Variants in GALNT2 observed in about 807,000 individuals in gnomAD.
GALNT2 encodes UDP-GalNAc:polypeptide N-acetylgalactosaminyltransferase 2.
In GALNT2, 31 loss-of-function variants were observed where a neutral mutation model predicts 81.4. That is an observed-to-expected ratio of 0.38 (90% confidence interval 0.29 to 0.51). GALNT2 has a LOEUF of 0.51. Ranked by LOEUF, GALNT2 falls within the 20% of genes least tolerant of loss-of-function variation. The pLI, the probability that GALNT2 is intolerant of heterozygous loss-of-function variation, is 0.87. For missense variants in GALNT2, 629 were observed against 765.7 expected (o/e 0.82, Z 2.11); for synonymous variants, 303 against 287.4 (o/e 1.05, Z -0.55).
rs1209694309 is a variant in GALNT2 at position 230,281,266 on chromosome 1, A to G, written c.*1808A>G. On this transcript the variant is annotated 3_prime_UTR_variant, in exon 16 of 16. Transcript: ENST00000366672. ...AAGCCTGGCTGGAGGGCTGCCCTATAGGTCTTCTCTTCCCGCCTCCCCTGC... is the reference window on the plus strand; with the variant it reads ...AAGCCTGGCTGGAGGGCTGCCCTATGGGTCTTCTCTTCCCGCCTCCCCTGC... 6.6e-6 allele frequency: 1 copy of G among 152,296 alleles called. No individual in the cohort carries two copies. The highest frequency in any genetic ancestry group is 2.4e-5 in the African/African-American group (1 of 41,368). The allele number at this position is 152,296 out of a possible 1,614,324, so 9.4% of individuals were successfully genotyped here. A position where few individuals can be genotyped will look rare whatever the true frequency, so the allele number is the denominator to read the frequency against.
chr1:230,225,972 A>G (rs1286169795), intron 3 of GALNT2, among the ~76,000 whole-genome samples: 3 of 152,218 alleles, frequency 2.0e-5, no homozygotes, highest in Non-Finnish European at 2.9e-5. Flanking sequence ...CATAAGCTCC[A>G]TGAATGAGTC....
intron 3 of GALNT2, among the ~76,000 whole-genome samples, chr1:230,222,911 C>A (rs1040418654): frequency 3.9e-5 from 6 of 152,254 alleles, no homozygotes; most frequent in South Asian, 2.1e-4. Context: ...CAGCCTGCCC[C>A]CAGAGGCTGC....
At chr1:230,129,463 G>A (rs1661298402) in intron 1 of GALNT2, among the ~76,000 whole-genome samples, 1 of 152,110 alleles carries the variant, frequency 6.6e-6, no homozygotes, top group Non-Finnish European at 1.5e-5. Flanking sequence ...GACTATAGGT[G>A]TTTGCCACCA....
rs1377339452 is a variant in GALNT2, at chr1:230,275,767, T to A, written c.1560+1203T>A. ...CACCACATATATATACATATATACA[T>A]ACACCACAGATATATACATATATAT... On this transcript the variant is annotated intron_variant, in intron 15 of 15. Coordinates refer to ENST00000366672, the MANE Select transcript of GALNT2 (RefSeq NM_004481.5). The surrounding 1 kb of genome is among the most constrained non-coding windows in gnomAD (Gnocchi z 5.5). 6.7e-6 allele frequency among the ~76,000 whole-genome samples: 1 copy of A among 150,314 alleles called. No homozygotes were observed. The highest frequency in any genetic ancestry group is 1.5e-5 in the Non-Finnish European group (1 of 67,630).
At chr1:230,220,135 A>G (rs1025990259) in intron 3 of GALNT2, among the ~76,000 whole-genome samples, 6 of 152,202 alleles carry the variant, frequency 3.9e-5, no homozygotes, top group Non-Finnish European at 7.3e-5. Context: ...AAACACACTA[A>G]TGTTTTTGCA....
intron 1 of GALNT2, among the ~76,000 whole-genome samples, chr1:230,142,425 G>A (rs1661775463): frequency 6.6e-6 from 1 of 152,134 alleles, no homozygotes; most frequent in African/African-American, 2.4e-5. Context: ...AAGTCGTTAA[G>A]GGCCCGGGCT....
At chr1:230,120,706 C>T (rs1660990206) in intron 1 of GALNT2, among the ~76,000 whole-genome samples, 2 of 152,300 alleles carry the variant, frequency 1.3e-5, no homozygotes, top group South Asian at 4.1e-4. Flanking sequence ...TCGGCCTCTC[C>T]CCAGGCTGCT....
intron 1 of GALNT2, among the ~76,000 whole-genome samples, chr1:230,177,748 C>T (rs1663029320): frequency 6.6e-6 from 1 of 152,192 alleles, no homozygotes; most frequent in Non-Finnish European, 1.5e-5. Flanking sequence ...TCATTTAACA[C>T]TCTCTGAGGG....
intron 2 of GALNT2, among the ~76,000 whole-genome samples, chr1:230,185,850 G>T (rs532398711): frequency 1.3e-5 from 2 of 152,104 alleles, no homozygotes; most frequent in African/African-American, 2.4e-5. Context: ...AATCTCTTAG[G>T]CTTGTCCACA....
chr1:230,106,128 A>AGTGCAGAATTTCCAGGCATTGTCC (rs1379874919), intron 1 of GALNT2, among the ~76,000 whole-genome samples: 1 of 152,216 alleles, frequency 6.6e-6, no homozygotes, highest in African/African-American at 2.4e-5. Flanking sequence ...ATGGCCGTGC[A>AGTGCAGAATTTCCAGGCATTGTCC]GTGCAGAATT....
rs372409371 is a variant in GALNT2 at position 230,169,121 on chromosome 1, A to G, written c.127-9097A>G. On this transcript the variant is annotated intron_variant, in intron 1 of 15. Coordinates refer to ENST00000366672, the MANE Select transcript of GALNT2 (RefSeq NM_004481.5). ...GAGAGGAAGACCACAGAAGTAAAAT[A>G]TGCATAAATTTGTAAACAAGTTGTT... is the stretch of plus-strand genomic sequence containing the variant. 2.0e-5 allele frequency among the ~76,000 whole-genome samples: 3 copies of G among 152,348 alleles called. No individual in the cohort carries two copies. The East Asian group carries it at 5.8e-4, about 29-fold the overall frequency.
chr1:230,267,926 G>A (rs570739396), intron 14 of GALNT2, among the ~76,000 whole-genome samples: 1 of 152,236 alleles, frequency 6.6e-6, no homozygotes, highest in Non-Finnish European at 1.5e-5. Context: ...GGCGCCGTGC[G>A]GTGCTGCTGT....
intron 1 of GALNT2, among the ~76,000 whole-genome samples, chr1:230,106,664 G>T (rs1175628809): frequency 6.6e-6 from 1 of 152,168 alleles, no homozygotes; most frequent in Non-Finnish European, 1.5e-5. Context: ...TGATATTATT[G>T]TTTGGCCTCT....
chr1:230,209,029 C>T (rs1664152144), intron 3 of GALNT2, among the ~76,000 whole-genome samples: 1 of 151,760 alleles, frequency 6.6e-6, no homozygotes, highest in Non-Finnish European at 1.5e-5. Flanking sequence ...TTACTTATTT[C>T]CCCCCATTAG....
At position 230,208,762 on chromosome 1, in the gene GALNT2, C is replaced by T. The variant is rs186880663; in HGVS notation, c.374+5472C>T. On this transcript the variant is annotated intron_variant, in intron 3 of 15. Transcript: ENST00000366672. Reference sequence around the variant, plus strand: ...GGAGATATAATTTTATGAAGCTATGCGACTGTGAAGCTAAAAGGAGCCTCA... The same window carrying T: ...GGAGATATAATTTTATGAAGCTATGTGACTGTGAAGCTAAAAGGAGCCTCA... 3.4e-4 allele frequency among the ~76,000 whole-genome samples: 52 copies of T among 152,294 alleles called. 1 individual carries two copies. The highest frequency in any genetic ancestry group is 1.2e-3 in the African/African-American group (51 of 41,566).
chr1:230,111,028 C>T (rs998798490), intron 1 of GALNT2, among the ~76,000 whole-genome samples: 4 of 152,104 alleles, frequency 2.6e-5, no homozygotes, highest in African/African-American at 9.7e-5. Flanking sequence ...TGCGTGTGTA[C>T]GTATATATAC....
At chr1:230,129,718 G>A (rs1463790746) in intron 1 of GALNT2, among the ~76,000 whole-genome samples, 1 of 152,184 alleles carries the variant, frequency 6.6e-6, no homozygotes, top group African/African-American at 2.4e-5. Context: ...TTCAGCTTTC[G>A]TTTTAGACTC....
rs955885926 is a variant in GALNT2 at position 230,152,099 on chromosome 1, T to G, written c.127-26119T>G. 2.0e-5 allele frequency among the ~76,000 whole-genome samples: 3 copies of G among 152,294 alleles called. No homozygotes were observed. In the East Asian group the frequency reaches 5.8e-4, roughly 29 times the overall value. On this transcript the variant is annotated intron_variant, in intron 1 of 15. Coordinates refer to ENST00000366672, the MANE Select transcript of GALNT2 (RefSeq NM_004481.5). ...TCAGCAAGGTCTTTATGACCTTATT[T>G]TGTGCCGATCTCCTATCTCATCCTG...
At chr1:230,172,588 C>G (rs987359578) in intron 1 of GALNT2, among the ~76,000 whole-genome samples, 7 of 152,236 alleles carry the variant, frequency 4.6e-5, no homozygotes, top group African/African-American at 1.7e-4. Context: ...GCCCTGCACG[C>G]ATAGATTCGA....
Sources: allele counts gnomAD v4.1 joint callset (sites outside exome capture counted in the v4.1 genomes callset), GRCh38; gene constraint gnomAD v4.1.1; non-coding constraint Gnocchi (gnomAD v3.1); transcripts MANE v1.5; gene names NCBI Gene and HGNC (gene_info 2026-07-23, HGNC 2026-07-21).